GPR84: variants seen among roughly 807,000 people sequenced by gnomAD.
GPR84 encodes G protein-coupled receptor 84.
GPR84 carries 8 observed loss-of-function variants against 14.9 expected under a neutral mutation model. That is an observed-to-expected ratio of 0.54 (90% CI 0.31 to 0.97). The LOEUF (loss-of-function observed/expected upper bound fraction) is 0.97. GPR84 is among the 50% of genes least tolerant of loss of function. The pLI, the probability that GPR84 is intolerant of heterozygous loss-of-function variation, is 0.04. For synonymous variants in GPR84, 164 were observed against 198.1 expected, an observed-to-expected ratio of 0.83 and a Z score of 1.45; for missense variants, 424 against 498.7, an observed-to-expected ratio of 0.85 and a Z score of 1.43.
Position 54,363,340 on chromosome 12 carries a change from T to A in GPR84, c.512A>T (p.Asp171Val), listed in dbSNP as rs201376462. 7.4e-6 allele frequency: 12 copies of A among 1,614,042 alleles called. No homozygotes were observed. The East Asian group carries it at 2.7e-4, about 36-fold the overall frequency. Residue 171 changes from aspartate (D) to valine (V), a missense_variant, in exon 2 of 2, where the codon GAC (aspartate) becomes GTC (valine). By Grantham distance (152) the Asp-to-Val change is radical (BLOSUM62 -3). Coordinates refer to ENST00000267015, the MANE Select transcript of GPR84 (RefSeq NM_020370.3). ...GGTGTAAGGCCGGCCTCGGATGCGG[T>A]CAAAGCTGCAGGTGCAGACTACAGG... ...LVPVVCTCSFDRIRGRPYTTI... is the reference protein window; with the variant it reads ...LVPVVCTCSFVRIRGRPYTTI...
chr12:54,357,455 A>C (rs529082255), downstream of GPR84, among the ~76,000 whole-genome samples: 1 of 152,194 alleles, frequency 6.6e-6, no homozygotes, highest in Admixed American at 6.5e-5. Flanking sequence ...GGGGGGTCAC[A>C]GACACATGGC....
the GPR84 span, among the ~76,000 whole-genome samples, chr12:54,352,068 T>G: frequency 6.6e-6 from 1 of 152,076 alleles, no homozygotes; most frequent in East Asian, 1.9e-4. Context: ...GGGGATGGTA[T>G]TTTCTCAGTG....
At position 54,363,712 on chromosome 12, in the gene GPR84, A is replaced by T. The variant is rs757222253; in HGVS notation, c.140T>A (p.Ile47Asn). The part of the protein sequence containing the change: ...GNVLTLLALA[I>N]QPKLRTRFNL... ...GAATCGGGTACGGAGCTTGGGCTGG[A>T]TGGCCAAGGCCAGTAGGGTGAGCAC... is the stretch of plus-strand genomic sequence containing the variant. The change falls in exon 2 of 2, where the codon ATC (isoleucine) becomes AAC (asparagine). Residue 47 changes from isoleucine to asparagine, a missense_variant. Physicochemically the swap from Ile to Asn is moderately radical, Grantham distance 149. Coordinates refer to ENST00000267015, the MANE Select transcript of GPR84 (RefSeq NM_020370.3). The T allele has an allele frequency of 6.2e-7, 1 of 1,613,974 alleles. No individual in the cohort carries two copies. Among genetic ancestry groups the T allele is most frequent in the East Asian group, 2.2e-5 (1 of 44,882 alleles).
At position 54,362,804 on chromosome 12, in the gene GPR84, C is replaced by T. The variant is rs1415391690; in HGVS notation, c.1048G>A (p.Val350Met). Reference sequence around the variant, plus strand: ...AGGTTGGCAGCAAGCATGTGGACCACCCGGGGAGCCTGGACTCTGGCATCC... The same window carrying T: ...AGGTTGGCAGCAAGCATGTGGACCATCCGGGGAGCCTGGACTCTGGCATCC... Reference protein sequence around the residue: ...ILDARVQAPRVVHMLAANLTW... With the variant: ...ILDARVQAPRMVHMLAANLTW... Residue 350 changes from valine to methionine, a missense_variant, in exon 2 of 2, where the codon GTG becomes ATG. Transcript: ENST00000267015. This position sits in a 1 kb window ranked among gnomAD's most constrained non-coding sequence, Gnocchi z 4.0. The T allele has an allele frequency of 6.2e-7, 1 of 1,614,158 alleles. No individual in the cohort carries two copies. Among genetic ancestry groups the T allele is most frequent in the South Asian group, 1.1e-5 (1 of 91,082 alleles).
the GPR84 span, chr12:54,351,328 T>C: frequency 6.6e-6 from 1 of 152,158 alleles, no homozygotes; most frequent in Admixed American, 6.5e-5. Context: ...AAAACTCCAT[T>C]CTAGTCTTGG....
In GPR84 at chr12:54,362,744, A is replaced by G. The variant is rs77759698; in HGVS notation, c.1108T>C (p.Tyr370His). 1,700 of 1,614,172 alleles carry G rather than the reference A, an allele frequency of 1.1e-3. 18 individuals carry two copies. In the East Asian group the frequency reaches 0.026, roughly 24 times the overall value. Reference protein sequence around the residue: ...WLNGCINPVLYAAMNRQFRQA... With the variant: ...WLNGCINPVLHAAMNRQFRQA... ...CGGAATTGGCGGTTCATGGCTGCAT[A>G]GAGCACAGGGTTGATGCAACCATTG... Residue 370 changes from tyrosine (Y) to histidine (H), a missense_variant, in exon 2 of 2, where the codon TAT (tyrosine) becomes CAT (histidine). Physicochemically the swap from Tyr to His is moderately conservative, Grantham distance 83. Transcript: ENST00000267015. This position sits in a 1 kb window ranked among gnomAD's most constrained non-coding sequence, Gnocchi z 4.0.
chr12:54,355,802 ACCT>A, the GPR84 span, among the ~76,000 whole-genome samples: 28 of 152,252 alleles, frequency 1.8e-4, no homozygotes, highest in South Asian at 4.1e-4. Context: ...GCAATGGCTG[ACCT>A]CCTTCAGATA....
At position 54,363,748 on chromosome 12, in the gene GPR84, G is replaced by A; in HGVS notation, c.104C>T (p.Thr35Ile). Residue 35 changes from threonine (T) to isoleucine (I), a missense_variant, in exon 2 of 2, where the codon ACC becomes ATC. By Grantham distance (89) the Thr-to-Ile change is moderately conservative. Transcript: ENST00000267015. Reference sequence around the variant, plus strand: ...CAGTAGGGTGAGCACATTGCCCACGGTGCCTGTCACAGCCACCACCACCCC... The same window carrying A: ...CAGTAGGGTGAGCACATTGCCCACGATGCCTGTCACAGCCACCACCACCCC... ...SWGVVVAVTG[T>I]VGNVLTLLAL... is the part of the protein sequence containing the mutation. 1 of 1,613,910 alleles carries A rather than the reference G, an allele frequency of 6.2e-7. No homozygotes were observed. Among genetic ancestry groups the A allele is most frequent in the Non-Finnish European group, 8.5e-7 (1 of 1,179,970 alleles).
rs992930796 is a variant in GPR84 at position 54,362,762 on chromosome 12, A to G, written c.1090T>C (p.Cys364Arg). 1.9e-6 allele frequency: 3 copies of G among 1,614,032 alleles called. No individual in the cohort carries two copies. In the African/African-American group the frequency reaches 4.0e-5, roughly 22 times the overall value. Reference protein sequence around the residue: ...LAANLTWLNGCINPVLYAAMN... With the variant: ...LAANLTWLNGRINPVLYAAMN... ...GCTGCATAGAGCACAGGGTTGATGC[A>G]ACCATTGAGCCAGGTGAGGTTGGCA... The change falls in exon 2 of 2, where the codon TGC becomes CGC. Residue 364 changes from cysteine (C) to arginine (R), a missense_variant. Transcript: ENST00000267015. This position sits in a 1 kb window ranked among gnomAD's most constrained non-coding sequence, Gnocchi z 4.0.
At chr12:54,359,887 C>T (rs1342235283), downstream of GPR84, among the ~76,000 whole-genome samples, 2 of 151,582 alleles carry the variant, frequency 1.3e-5, no homozygotes, top group East Asian at 3.9e-4. Context: ...AAGATCTGTC[C>T]TCTATGGTCT....
At chr12:54,355,445 G>A in the GPR84 span, among the ~76,000 whole-genome samples, 2 of 151,844 alleles carry the variant, frequency 1.3e-5, no homozygotes, top group Admixed American at 1.3e-4. Flanking sequence ...TTTCCTTGAG[G>A]CACCCCATAC....
Position 54,362,604 on chromosome 12 carries a change from T to A in GPR84, c.*57A>T. The A allele has an allele frequency of 1.8e-6, 2 of 1,112,358 alleles. No homozygotes were observed. The highest frequency in any genetic ancestry group is 1.3e-6 in the Non-Finnish European group (1 of 760,800). 68.9% of individuals were successfully genotyped at this position (1,112,358 alleles called of 1,614,324 possible). On this transcript the variant is annotated 3_prime_UTR_variant, in exon 2 of 2. Transcript: ENST00000267015. The surrounding 1 kb of genome is among the most constrained non-coding windows in gnomAD (Gnocchi z 4.0). Reference sequence around the variant, plus strand: ...TTATTTCACCTATTCTCCTATTACCTGGCCACTTTGGTCCTGGAGGAGACA... The same window carrying A: ...TTATTTCACCTATTCTCCTATTACCAGGCCACTTTGGTCCTGGAGGAGACA...
chr12:54,360,387 T>C (rs1347463026), downstream of GPR84, among the ~76,000 whole-genome samples: 1 of 152,174 alleles, frequency 6.6e-6, no homozygotes, highest in African/African-American at 2.4e-5. Context: ...TTTGTACAGA[T>C]GATAAAATCT....
chr12:54,361,749 C>T (rs1954271306), downstream of GPR84, among the ~76,000 whole-genome samples: 1 of 152,238 alleles, frequency 6.6e-6, no homozygotes. The surrounding 1 kb of genome is among the most constrained non-coding windows in gnomAD (Gnocchi z 4.3). Flanking sequence ...CTTAGGTGAT[C>T]TGCCCACCTC....
At chr12:54,360,617 C>G (rs1954259060), downstream of GPR84, among the ~76,000 whole-genome samples, 1 of 152,182 alleles carries the variant, frequency 6.6e-6, no homozygotes. Context: ...TATTAGGAGT[C>G]AGGATTCCTG....
At chr12:54,360,548 A>G (rs1954258621), downstream of GPR84, among the ~76,000 whole-genome samples, 1 of 152,104 alleles carries the variant, frequency 6.6e-6, no homozygotes, top group South Asian at 2.1e-4. Flanking sequence ...CCCCAGCTTG[A>G]TTTGGTTTAG....
chr12:54,352,983 G>A, the GPR84 span, among the ~76,000 whole-genome samples: 1 of 152,182 alleles, frequency 6.6e-6, no homozygotes, highest in South Asian at 2.1e-4. Context: ...ATTGACCTGG[G>A]GGAGGGGCAG....
At chr12:54,352,101 T>C in the GPR84 span, among the ~76,000 whole-genome samples, 2 of 152,128 alleles carry the variant, frequency 1.3e-5, no homozygotes, top group Non-Finnish European at 2.9e-5. Flanking sequence ...AACTGAGTTC[T>C]TCCCCCATCA....
chr12:54,352,918 TG>T, the GPR84 span, among the ~76,000 whole-genome samples: 1 of 152,176 alleles, frequency 6.6e-6, no homozygotes, highest in South Asian at 2.1e-4. Flanking sequence ...CTGTCTGAGC[TG>T]GGGAAAAGCA....
Sources: gnomAD v4.1 joint callset for allele counts (sites outside exome capture counted in the v4.1 genomes callset) on GRCh38, gnomAD v4.1.1 for gene constraint, Gnocchi (gnomAD v3.1) non-coding constraint, MANE v1.5 for transcripts, NCBI Gene and HGNC (gene_info 2026-07-23, HGNC 2026-07-21) for gene names.